Variants in ADHFE1 observed in about 807,000 individuals in gnomAD.
ADHFE1 encodes hydroxyacid-oxoacid transhydrogenase, mitochondrial.
A neutral mutation model predicts 54.8 loss-of-function variants in ADHFE1; 37 were observed. The ratio of observed to expected loss-of-function variants is 0.68; its 90% CI spans 0.52 to 0.89. The LOEUF is 0.89. Among genes scored for constraint, ADHFE1 ranks in the 40% least tolerant of loss-of-function variants. The pLI, the probability that ADHFE1 is intolerant of heterozygous loss-of-function variation, is 0.00. For synonymous variants in ADHFE1, 203 were observed against 229.3 expected (o/e 0.89, Z 1.04); for missense variants, 601 against 591.2 (o/e 1.02, Z -0.17).
At chr8:66,459,790 C>T (rs1331885686) in intron 12 of ADHFE1, among the ~76,000 whole-genome samples, 1 of 152,180 alleles carries the variant, frequency 6.6e-6, no homozygotes, top group East Asian at 1.9e-4. Context: ...CCTGTTCACA[C>T]ATAATCCATT....
chr8:66,464,758 A>G (rs1235716761), intron 13 of ADHFE1, among the ~76,000 whole-genome samples: 3 of 152,230 alleles, frequency 2.0e-5, no homozygotes, highest in African/African-American at 7.2e-5. Flanking sequence ...GTACAATGCC[A>G]TGCCATTAAA....
At chr8:66,464,726 A>G (rs1168931302) in intron 13 of ADHFE1, among the ~76,000 whole-genome samples, 1 of 152,246 alleles carries the variant, frequency 6.6e-6, no homozygotes, top group Non-Finnish European at 1.5e-5. Context: ...CATAAAATTT[A>G]CCATTTTAAC....
At chr8:66,442,550 A>G (rs1338339617) in intron 2 of ADHFE1, among the ~76,000 whole-genome samples, 1 of 152,016 alleles carries the variant, frequency 6.6e-6, no homozygotes, top group Non-Finnish European at 1.5e-5. Context: ...TGACCTCGTG[A>G]TCCACCCGCC....
rs569676861 is a variant in ADHFE1 at position 66,433,944 on chromosome 8, C to T, written c.59+1369C>T. On this transcript the variant is annotated intron_variant, in intron 1 of 13. Transcript: ENST00000396623. ...TTTATATCCCATGGAATCAGTGTCA[C>T]ACACAGAATATGTTTTTGGAATGGT... Among the ~76,000 whole-genome samples, 7 of 152,326 alleles carry T rather than the reference C, an allele frequency of 4.6e-5. No individual in the cohort carries two copies. The South Asian group carries it at 1.2e-3, about 27-fold the overall frequency.
chr8:66,448,928 T>A lies in ADHFE1; in HGVS notation c.692T>A (p.Met231Lys). 6.2e-7 allele frequency: 1 copy of A among 1,614,188 alleles called. No individual in the cohort carries two copies. The highest frequency in any genetic ancestry group is 1.3e-5 in the African/African-American group (1 of 75,056). ...ATTGATCCTCTGCACACCCTCCACA[T>A]GCCTGCCCGAGTGGTCGCCAACAGT... Reference protein sequence around the residue: ...GLIDPLHTLHMPARVVANSGF... With the variant: ...GLIDPLHTLHKPARVVANSGF... The change falls in exon 8 of 14, where the codon ATG (methionine) becomes AAG (lysine). Residue 231 changes from methionine to lysine, a missense_variant. Transcript: ENST00000396623.
At position 66,432,966 on chromosome 8, in the gene ADHFE1, T is replaced by C. The variant is rs1047394411; in HGVS notation, c.59+391T>C. 13 of 964,622 alleles carry C rather than the reference T, an allele frequency of 1.3e-5. No homozygotes were observed. The African/African-American group carries it at 2.1e-4, about 16-fold the overall frequency. 59.8% of individuals were successfully genotyped at this position (964,622 alleles called of 1,614,324 possible). ...ATTCTAGGTTCTGGGGATACAAAGA[T>C]GAAAGGCTCTGGAGCAGTTTGAGGT... is the stretch of plus-strand genomic sequence containing the variant. On this transcript the variant is annotated intron_variant, in intron 1 of 13. Coordinates refer to ENST00000396623, the MANE Select transcript of ADHFE1 (RefSeq NM_144650.3).
chr8:66,453,972 C>T, intron 9 of ADHFE1, 87 bp from the exon 10 acceptor site: 2 of 1,532,964 alleles, frequency 1.3e-6, no homozygotes, highest in Non-Finnish European at 8.8e-7. Context: ...CTTTTTTTTT[C>T]ACCATATCTT....
chr8:66,440,102 C>A, intron 1 of ADHFE1, 60 bp from the exon 2 acceptor site: 2 of 1,538,864 alleles, frequency 1.3e-6, no homozygotes, highest in Non-Finnish European at 1.8e-6. Context: ...TAAGGCTTTT[C>A]ATTTTTTGGT....
intron 13 of ADHFE1, among the ~76,000 whole-genome samples, chr8:66,462,345 G>T (rs1806944541): frequency 6.6e-6 from 1 of 152,162 alleles, no homozygotes; most frequent in African/African-American, 2.4e-5. Context: ...GACCTCCCAG[G>T]CTCAAGTGAT....
chr8:66,449,079 C>A (rs1355428084), intron 8 of ADHFE1, 109 bp downstream of exon 8: 2 of 976,840 alleles, frequency 2.0e-6, no homozygotes, highest in African/African-American at 1.6e-5. Context: ...CCCACAACAT[C>A]CCTAGCTTTG....
At chr8:66,463,482 C>A (rs1056847109) in intron 13 of ADHFE1, among the ~76,000 whole-genome samples, 1 of 152,174 alleles carries the variant, frequency 6.6e-6, no homozygotes, top group Non-Finnish European at 1.5e-5. Context: ...TTTAATTAAA[C>A]TAGCCCTAGG....
At chr8:66,451,128 T>C (rs1367995723) in intron 8 of ADHFE1, among the ~76,000 whole-genome samples, 3 of 152,236 alleles carry the variant, frequency 2.0e-5, no homozygotes, top group East Asian at 3.8e-4. Flanking sequence ...GCATCACTGA[T>C]GTAGACGGTG....
intron 7 of ADHFE1, among the ~76,000 whole-genome samples, chr8:66,448,016 A>G (rs1003648684): frequency 2.0e-5 from 3 of 152,228 alleles, no homozygotes; most frequent in African/African-American, 7.2e-5. Context: ...GATACAAAAC[A>G]TTCCCACCAC....
intron 1 of ADHFE1, among the ~76,000 whole-genome samples, chr8:66,438,754 G>C (rs1418111869): frequency 6.6e-6 from 1 of 151,970 alleles, no homozygotes; most frequent in Non-Finnish European, 1.5e-5. Context: ...GTGAGGGGGA[G>C]GACTAGGAAA....
chr8:66,464,429 T>C (rs1376317317), intron 13 of ADHFE1, among the ~76,000 whole-genome samples: 1 of 152,214 alleles, frequency 6.6e-6, no homozygotes. Flanking sequence ...GCTCATCAGA[T>C]AAGACTCTCT....
intron 13 of ADHFE1, among the ~76,000 whole-genome samples, chr8:66,460,827 T>C (rs1223675403): frequency 1.3e-5 from 2 of 152,214 alleles, no homozygotes; most frequent in Non-Finnish European, 2.9e-5. Context: ...GTGAAGCTGT[T>C]CCAAAAGGAC....
chr8:66,455,251 G>A (rs1338039155), intron 10 of ADHFE1, among the ~76,000 whole-genome samples: 1 of 152,216 alleles, frequency 6.6e-6, no homozygotes, highest in Admixed American at 6.5e-5. Context: ...CCCACCTGCA[G>A]TGGGTGAAGA....
intron 12 of ADHFE1, 161 bp from the exon 13 acceptor site, chr8:66,460,147 C>T (rs1563494770): frequency 4.8e-6 from 4 of 841,358 alleles, no homozygotes; most frequent in Non-Finnish European, 7.4e-6. Flanking sequence ...TGAGCTCCCC[C>T]AGCCAACTTG....
rs2130357227 is a variant in ADHFE1, at chr8:66,439,771, G to C, written c.60-391G>C. 1 of 1,037,182 alleles carries C rather than the reference G, an allele frequency of 9.6e-7. No individual in the cohort carries two copies. The highest frequency in any genetic ancestry group is 4.1e-5 in the South Asian group (1 of 24,662). The allele number at this position is 1,037,182 out of a possible 1,614,324, so 64.2% of individuals were successfully genotyped here. ...AGCATAGGGTAGTAAGTAAGAAGAG[G>C]CACACAGAGTTAACCTTGGGCCGAT... On this transcript the variant is annotated intron_variant, in intron 1 of 13. Coordinates refer to ENST00000396623, the MANE Select transcript of ADHFE1 (RefSeq NM_144650.3). The surrounding 1 kb of genome is among the most constrained non-coding windows in gnomAD (Gnocchi z 4.4).
Sources: allele counts gnomAD v4.1 joint callset (sites outside exome capture counted in the v4.1 genomes callset), GRCh38; gene constraint gnomAD v4.1.1; non-coding constraint Gnocchi (gnomAD v3.1); transcripts MANE v1.5; gene names NCBI Gene and HGNC (gene_info 2026-07-23, HGNC 2026-07-21).